Variants in STX8 observed in about 807,000 individuals in gnomAD.
The protein encoded by STX8 is syntaxin-8.
Under a neutral mutation model 37.5 loss-of-function variants are expected in STX8, and 23 were observed. That is an observed-to-expected ratio of 0.61 (90% CI 0.44 to 0.87). STX8 has a LOEUF of 0.87. STX8 is among the 40% of genes least tolerant of loss of function. The pLI, the probability that STX8 is intolerant of heterozygous loss-of-function variation, is 0.00. For missense variants in STX8, 313 were observed against 284.7 expected (o/e 1.10, Z -0.71); for synonymous variants, 115 against 99.1 (o/e 1.16, Z -0.95).
chr17:9,522,706 C>T (rs1034326366), intron 4 of STX8, among the ~76,000 whole-genome samples: 3 of 150,790 alleles, frequency 2.0e-5, no homozygotes, highest in Non-Finnish European at 3.0e-5. Context: ...AGCGAGACTC[C>T]ATCTCAAAAA....
rs189148908 is a variant in STX8, at chr17:9,403,521, C to G, written c.542-24868G>C. Among the ~76,000 whole-genome samples the G allele has an allele frequency of 7.2e-5, 11 of 152,088 alleles. No individual in the cohort carries two copies. In the East Asian group the frequency reaches 1.5e-3, roughly 21 times the overall value. On this transcript the variant is annotated intron_variant, in intron 6 of 7. Coordinates refer to ENST00000306357, the MANE Select transcript of STX8 (RefSeq NM_004853.3). ...TCCTTAGGAGGAAGTCAACAGATGT[C>G]GAAGACTGAAAACATTTAAGAAATA... is the stretch of plus-strand genomic sequence containing the variant.
At chr17:9,324,179 G>T (rs1014356667) in intron 7 of STX8, among the ~76,000 whole-genome samples, 72 of 151,088 alleles carry the variant, frequency 4.8e-4, no homozygotes, top group African/African-American at 1.7e-3. Context: ...CACTCCAGTT[G>T]TACGTGTATG....
intron 7 of STX8, among the ~76,000 whole-genome samples, chr17:9,372,885 C>T (rs1911458079): frequency 6.6e-6 from 1 of 150,558 alleles, no homozygotes; most frequent in African/African-American, 2.4e-5. Flanking sequence ...GGGCAGATCA[C>T]CTGAGGTCAG....
chr17:9,534,843 A>T (rs1905964796), intron 4 of STX8, among the ~76,000 whole-genome samples: 1 of 152,122 alleles, frequency 6.6e-6, no homozygotes, highest in African/African-American at 2.4e-5. Context: ...GTCCTATCAC[A>T]TATTAAAACT....
At chr17:9,421,238 C>A (rs968767358) in intron 6 of STX8, among the ~76,000 whole-genome samples, 1 of 151,588 alleles carries the variant, frequency 6.6e-6, no homozygotes, top group Non-Finnish European at 1.5e-5. Context: ...ACTAAATATA[C>A]GAAATTAGCC....
At chr17:9,424,030 G>C (rs1002322604) in intron 6 of STX8, among the ~76,000 whole-genome samples, 1 of 151,976 alleles carries the variant, frequency 6.6e-6, no homozygotes, top group Admixed American at 6.5e-5. Context: ...GCATTCTGAT[G>C]GTCCCTACAC....
intron 7 of STX8, among the ~76,000 whole-genome samples, chr17:9,304,103 C>T (rs944629648): frequency 3.3e-5 from 5 of 151,726 alleles, no homozygotes; most frequent in African/African-American, 1.2e-4. Flanking sequence ...AAAAGATCAG[C>T]AATCCAGAGA....
chr17:9,399,180 A>T (rs1455331212), intron 6 of STX8, among the ~76,000 whole-genome samples: 3 of 152,118 alleles, frequency 2.0e-5, no homozygotes, highest in Admixed American at 1.3e-4. Flanking sequence ...TTTCCACTAT[A>T]TATATATCCA....
intron 1 of STX8, among the ~76,000 whole-genome samples, chr17:9,572,753 C>T (rs1335251575): frequency 6.6e-6 from 1 of 152,098 alleles, no homozygotes; most frequent in African/African-American, 2.4e-5. Flanking sequence ...TTCTACCCCC[C>T]TAATCAGCGA....
At chr17:9,319,398 G>A (rs980549815) in intron 7 of STX8, among the ~76,000 whole-genome samples, 6 of 151,902 alleles carry the variant, frequency 3.9e-5, no homozygotes, top group Non-Finnish European at 7.4e-5. Context: ...CAGCCTGGGC[G>A]ACACAGCAAG....
intron 7 of STX8, among the ~76,000 whole-genome samples, chr17:9,321,833 T>C (rs1202705754): frequency 6.6e-6 from 1 of 152,188 alleles, no homozygotes; most frequent in Non-Finnish European, 1.5e-5. Context: ...ATACCATTTA[T>C]TAATATGCAA....
intron 7 of STX8, among the ~76,000 whole-genome samples, chr17:9,274,017 A>T (rs1170338437): frequency 6.6e-6 from 1 of 152,218 alleles, no homozygotes; most frequent in African/African-American, 2.4e-5. Context: ...TTTAGTCATT[A>T]CAGTCTCATG....
At position 9,547,784 on chromosome 17, in the gene STX8, T is replaced by TTTC. The variant is rs780181970; in HGVS notation, c.213-2503_213-2502insGAA. Among the ~76,000 whole-genome samples the TTTC allele has an allele frequency of 8.7e-5, 7 of 80,138 alleles. No homozygotes were observed. In the East Asian group the frequency reaches 1.1e-3, roughly 13 times the overall value. The allele number at this position is 80,138 out of a possible 152,430, so 52.6% of individuals were successfully genotyped here. Reference sequence around the variant, plus strand: ...ATTCTTTCCTTTTCTTTTCTTTTCTTTTTTTTTTTTTTGTTTTGTTTTGTT... The same window carrying TTTC: ...ATTCTTTCCTTTTCTTTTCTTTTCTTTTCTTTTTTTTTTTTGTTTTGTTTTGTT... On this transcript the variant is annotated intron_variant, in intron 3 of 7. Transcript: ENST00000306357.
chr17:9,571,961 T>C (rs1447990662), intron 1 of STX8, among the ~76,000 whole-genome samples: 1 of 151,540 alleles, frequency 6.6e-6, no homozygotes. Context: ...GAAACAAGAA[T>C]GGCAGAATAT....
intron 4 of STX8, among the ~76,000 whole-genome samples, chr17:9,540,492 A>G (rs916203218): frequency 6.6e-6 from 1 of 152,154 alleles, no homozygotes; most frequent in African/African-American, 2.4e-5. Context: ...ACAAGGAATC[A>G]CCAATGGAAG....
intron 1 of STX8, chr17:9,569,673 T>C (rs12950759): frequency 0.75 from 114,156 of 152,114 alleles, 43,809 homozygotes; most frequent in East Asian, 0.98. Context: ...GCAGACCGGA[T>C]GCGGTGGCTC....
intron 3 of STX8, among the ~76,000 whole-genome samples, chr17:9,549,672 C>A (rs1173353973): frequency 6.6e-6 from 1 of 151,974 alleles, no homozygotes; most frequent in Non-Finnish European, 1.5e-5. Context: ...GAACATGCTG[C>A]CTCTTTGTTT....
chr17:9,552,963 C>G (rs1906828130), intron 3 of STX8: 1 of 152,142 alleles, frequency 6.6e-6, no homozygotes, highest in Non-Finnish European at 1.5e-5. Flanking sequence ...AAACTTATTT[C>G]CAAAGGCCTT....
chr17:9,295,497 C>A (rs1403002649), intron 7 of STX8, among the ~76,000 whole-genome samples: 1 of 152,198 alleles, frequency 6.6e-6, no homozygotes, highest in African/African-American at 2.4e-5. Context: ...GTAATCCCAG[C>A]ACTTTCGGGA....
Sources: gnomAD v4.1 joint callset for allele counts (sites outside exome capture counted in the v4.1 genomes callset) on GRCh38, gnomAD v4.1.1 for gene constraint, MANE v1.5 for transcripts, NCBI Gene and HGNC (gene_info 2026-07-23, HGNC 2026-07-21) for gene names.